MARCHF3: variants seen among roughly 807,000 people sequenced by gnomAD.
The protein encoded by MARCHF3 is E3 ubiquitin-protein ligase MARCHF3.
A neutral mutation model predicts 24.2 loss-of-function variants in MARCHF3; 13 were observed. The observed-to-expected ratio is 0.54, with a 90% CI of 0.35 to 0.85. The LOEUF (loss-of-function observed/expected upper bound fraction) is 0.85, where lower values mean the gene tolerates loss of function less well. Among genes scored for constraint, MARCHF3 ranks in the 40% least tolerant of loss-of-function variants. The pLI is 0.01. For missense variants in MARCHF3, 276 were observed against 325.0 expected, an observed-to-expected ratio of 0.85 and a Z score of 1.16; for synonymous variants, 144 against 137.3, an observed-to-expected ratio of 1.05 and a Z score of -0.34.
chr5:126,924,085 C>T (rs1202487979), intron 1 of MARCHF3, among the ~76,000 whole-genome samples: 1 of 152,168 alleles, frequency 6.6e-6, no homozygotes, highest in Non-Finnish European at 1.5e-5. Context: ...CAGACCCTCA[C>T]TGGGGTGGCA....
chr5:126,883,210 C>T (rs1689601138), intron 3 of MARCHF3, among the ~76,000 whole-genome samples: 1 of 152,102 alleles, frequency 6.6e-6, no homozygotes, highest in African/African-American at 2.4e-5. Context: ...TGGTGGTTAG[C>T]TATATTTTAA....
At chr5:126,900,403 A>G (rs1478477613) in intron 3 of MARCHF3, among the ~76,000 whole-genome samples, 2 of 151,992 alleles carry the variant, frequency 1.3e-5, no homozygotes, top group Non-Finnish European at 2.9e-5. Flanking sequence ...TGGAGCACCC[A>G]TGACTGAGAT....
intron 1 of MARCHF3, among the ~76,000 whole-genome samples, chr5:127,006,389 C>T (rs1000421157): frequency 6.6e-6 from 1 of 152,016 alleles, no homozygotes; most frequent in Middle Eastern, 3.2e-3. Flanking sequence ...ATTTATTTTA[C>T]ATAGCTGAGT....
chr5:126,894,821 G>A (rs1753815607), intron 3 of MARCHF3, among the ~76,000 whole-genome samples: 1 of 151,784 alleles, frequency 6.6e-6, no homozygotes, highest in African/African-American at 2.4e-5. Context: ...TATCTTTGTG[G>A]CGTTCTCTGT....
intron 1 of MARCHF3, among the ~76,000 whole-genome samples, chr5:126,931,233 AGTT>A (rs1376628622): frequency 2.0e-5 from 3 of 152,104 alleles, no homozygotes; most frequent in Non-Finnish European, 2.9e-5. Context: ...TTTTTGTTGT[AGTT>A]GTTGTTGTTT....
At chr5:126,983,350 A>G (rs2126837448) in intron 1 of MARCHF3, among the ~76,000 whole-genome samples, 1 of 152,254 alleles carries the variant, frequency 6.6e-6, no homozygotes, top group African/African-American at 2.4e-5. Flanking sequence ...CTATCAGGGG[A>G]CAGGAACTAG....
chr5:126,907,405 G>A (rs1754339320), intron 3 of MARCHF3, among the ~76,000 whole-genome samples: 1 of 137,728 alleles, frequency 7.3e-6, no homozygotes, highest in African/African-American at 2.8e-5. Flanking sequence ...TCTGTCTAAT[G>A]TTGACAGTGG....
chr5:126,925,877 G>A (rs946959622), intron 1 of MARCHF3, among the ~76,000 whole-genome samples: 2 of 152,218 alleles, frequency 1.3e-5, no homozygotes, highest in African/African-American at 4.8e-5. Context: ...GTGACCAGCA[G>A]CAAATAGCTA....
chr5:126,928,510 G>A (rs920922060), intron 1 of MARCHF3, among the ~76,000 whole-genome samples: 1 of 152,280 alleles, frequency 6.6e-6, no homozygotes, highest in South Asian at 2.1e-4. Context: ...TCAATTCTCA[G>A]ATAATGACCT....
chr5:126,954,009 C>T (rs1750341676), intron 1 of MARCHF3, among the ~76,000 whole-genome samples: 1 of 151,686 alleles, frequency 6.6e-6, no homozygotes, highest in Non-Finnish European at 1.5e-5. Flanking sequence ...TTACTTACTC[C>T]CATTTATGTA....
rs535077969 is a variant in MARCHF3, at chr5:126,895,183, G to C, written c.394-16789C>G. On this transcript the variant is annotated intron_variant, in intron 3 of 4. Transcript: ENST00000308660. ...CATCAGCTCCTTTAAGCACTTCTCTGTATTGGTTATTCCTGTTATACATTC... is the reference window on the plus strand; with the variant it reads ...CATCAGCTCCTTTAAGCACTTCTCTCTATTGGTTATTCCTGTTATACATTC... Among the ~76,000 whole-genome samples, 24 of 152,128 alleles carry C rather than the reference G, an allele frequency of 1.6e-4. No individual in the cohort carries two copies. In the South Asian group the frequency reaches 5.0e-3, roughly 32 times the overall value.
rs987156425 is a variant in MARCHF3 at position 126,899,170 on chromosome 5, C to T, written c.393+15760G>A. 10 of 985,126 alleles carry T rather than the reference C, an allele frequency of 1.0e-5. No homozygotes were observed. The South Asian group carries it at 2.3e-4, about 23-fold the overall frequency. The allele number at this position is 985,126 out of a possible 1,614,324, so 61.0% of individuals were successfully genotyped here. On this transcript the variant is annotated intron_variant, in intron 3 of 4. Coordinates refer to ENST00000308660, the MANE Select transcript of MARCHF3 (RefSeq NM_178450.5). ...AAAGGAGGCGGGCAGTGGTGAGGCA[C>T]GCCACAGAAACATACATTCCATGAA...
intron 1 of MARCHF3, among the ~76,000 whole-genome samples, chr5:126,918,834 C>T (rs1311137489): frequency 2.0e-5 from 3 of 152,218 alleles, no homozygotes; most frequent in African/African-American, 4.8e-5. Flanking sequence ...AAATTTTCTA[C>T]TCAATACATC....
At chr5:126,914,254 A>G (rs900664125) in intron 3 of MARCHF3, among the ~76,000 whole-genome samples, 7 of 152,120 alleles carry the variant, frequency 4.6e-5, no homozygotes, top group African/African-American at 1.7e-4. Flanking sequence ...AAGTGCTGGG[A>G]TTACAGACAT....
chr5:126,990,856 T>C (rs1012730083), intron 1 of MARCHF3, among the ~76,000 whole-genome samples: 10 of 152,192 alleles, frequency 6.6e-5, no homozygotes, highest in Admixed American at 1.3e-4. Flanking sequence ...AGATACCATC[T>C]CACACCAATT....
intron 3 of MARCHF3, among the ~76,000 whole-genome samples, chr5:126,910,035 T>C (rs559479116): frequency 2.0e-5 from 3 of 152,334 alleles, no homozygotes; most frequent in South Asian, 4.1e-4. Flanking sequence ...TTCTTATCAA[T>C]CAGCTGGTTG....
intron 3 of MARCHF3, among the ~76,000 whole-genome samples, chr5:126,881,263 A>C (rs1216894176): frequency 6.6e-6 from 1 of 152,142 alleles, no homozygotes; most frequent in Non-Finnish European, 1.5e-5. Flanking sequence ...GGTATGGAGT[A>C]CTTTACATGG....
intron 1 of MARCHF3, among the ~76,000 whole-genome samples, chr5:126,941,203 G>C (rs978417844): frequency 6.6e-6 from 1 of 152,096 alleles, no homozygotes; most frequent in African/African-American, 2.4e-5. Context: ...GTTCAAAGAA[G>C]GTATGTTTAG....
At chr5:126,933,734 GCACCCAGCCTCT>G (rs1288654380) in intron 1 of MARCHF3, among the ~76,000 whole-genome samples, 1 of 152,120 alleles carries the variant, frequency 6.6e-6, no homozygotes, top group African/African-American at 2.4e-5. Context: ...ATGAGCCACT[GCACCCAGCCTCT>G]CTTTGGTATC....
Sources: gnomAD v4.1 joint callset for allele counts (sites outside exome capture counted in the v4.1 genomes callset) on GRCh38, gnomAD v4.1.1 for gene constraint, MANE v1.5 for transcripts, NCBI Gene and HGNC (gene_info 2026-07-23, HGNC 2026-07-21) for gene names.